The following ZFHX3 variants were observed in gnomAD, a reference collection of about 807,000 sequenced individuals.
The protein encoded by ZFHX3 is zinc finger homeobox 3, also known as zinc finger homeobox protein 3.
A neutral mutation model predicts 279.1 loss-of-function variants in ZFHX3; 42 were observed. The ratio of observed to expected loss-of-function variants is 0.15; its 90% CI spans 0.12 to 0.19. The LOEUF (loss-of-function observed/expected upper bound fraction) is 0.19, where lower values mean the gene tolerates loss of function less well. Among genes scored for constraint, ZFHX3 ranks in the 10% least tolerant of loss-of-function variants. ZFHX3 has a pLI of 1.00. For missense variants in ZFHX3, 4,981 were observed against 4,754.0 expected, an observed-to-expected ratio of 1.05 and a Z score of -1.40; for synonymous variants, 2,293 against 1,957.8, an observed-to-expected ratio of 1.17 and a Z score of -4.52.
chr16:73,279,788 G>C (rs1443641233), intron 4 of ZFHX3, among the ~76,000 whole-genome samples: 5 of 152,178 alleles, frequency 3.3e-5, no homozygotes, highest in Non-Finnish European at 5.9e-5. Context: ...TCAGAACAGA[G>C]TCTTGCAACT....
intron 5 of ZFHX3, among the ~76,000 whole-genome samples, chr16:73,150,357 A>G (rs1341930512): frequency 6.6e-6 from 1 of 152,134 alleles, no homozygotes; most frequent in Non-Finnish European, 1.5e-5. Flanking sequence ...CCTGGGTTCA[A>G]GTCCTGCTCC....
intron 5 of ZFHX3, among the ~76,000 whole-genome samples, chr16:72,819,974 T>C (rs1419820795): frequency 1.3e-5 from 2 of 152,238 alleles, no homozygotes; most frequent in Non-Finnish European, 2.9e-5. Context: ...TCCTTCCACC[T>C]TGCAGAAAGA....
At chr16:73,799,326 A>T (rs915820098) in intron 1 of ZFHX3, among the ~76,000 whole-genome samples, 1 of 152,214 alleles carries the variant, frequency 6.6e-6, no homozygotes, top group African/African-American at 2.4e-5. Context: ...AATGATGTGT[A>T]TCTTATTTAA....
rs189643972 is a variant in ZFHX3 at position 72,999,705 on chromosome 16, C to T, written c.-49-39511G>A. On this transcript the variant is annotated intron_variant, in intron 1 of 9. Coordinates refer to ENST00000268489, the MANE Select transcript of ZFHX3 (RefSeq NM_006885.4). ...TACAAGTCAGACATGGGACAGCCTT[C>T]GATGCCAGCGTGGGCAGGGGTCTCA... Among the ~76,000 whole-genome samples, 626 of 152,322 alleles carry T rather than the reference C, an allele frequency of 4.1e-3. 4 individuals are homozygous for T. Among genetic ancestry groups the T allele is most frequent in the East Asian group, 0.014 (75 of 5,174 alleles).
intron 4 of ZFHX3, among the ~76,000 whole-genome samples, chr16:73,267,442 C>T (rs183431199): frequency 6.6e-6 from 1 of 152,084 alleles, no homozygotes; most frequent in African/African-American, 2.4e-5. Context: ...CATATGGAGT[C>T]GTCCCTGATG....
intron 5 of ZFHX3, among the ~76,000 whole-genome samples, chr16:73,191,073 G>A (rs1567414423): frequency 6.6e-6 from 1 of 152,134 alleles, no homozygotes; most frequent in Non-Finnish European, 1.5e-5. Flanking sequence ...TGGTGGCTCT[G>A]CCCAGCCTGA....
intron 3 of ZFHX3, among the ~76,000 whole-genome samples, chr16:73,349,649 T>C (rs144628808): frequency 0.098 from 621 of 6,338 alleles, 18 homozygotes; most frequent in South Asian, 0.18. Flanking sequence ...TCCCTCCCTC[T>C]CTCCCTCCTT....
chr16:72,947,092 G>A (rs1199249439), intron 3 of ZFHX3, among the ~76,000 whole-genome samples: 3 of 152,164 alleles, frequency 2.0e-5, no homozygotes, highest in East Asian at 3.9e-4. Context: ...GGCCAGAGCC[G>A]GCCACTGTTT....
chr16:72,927,858 C>T (rs1423519076), intron 3 of ZFHX3, among the ~76,000 whole-genome samples: 1 of 151,828 alleles, frequency 6.6e-6, no homozygotes, highest in African/African-American at 2.4e-5. Context: ...AAAGGGGATA[C>T]CACATGACAT....
chr16:73,863,824 A>G (rs535017756), intron 1 of ZFHX3, among the ~76,000 whole-genome samples: 1 of 152,322 alleles, frequency 6.6e-6, no homozygotes, highest in African/African-American at 2.4e-5. Context: ...AAGTGCCGAA[A>G]TGAAACATGT....
At chr16:72,827,257 C>T (rs936717760) in intron 5 of ZFHX3, among the ~76,000 whole-genome samples, 6 of 152,194 alleles carry the variant, frequency 3.9e-5, no homozygotes, top group Non-Finnish European at 8.8e-5. Flanking sequence ...ACCAGTTTTC[C>T]TCATCTTATA....
chr16:73,340,023 A>G (rs1400972667), intron 3 of ZFHX3, among the ~76,000 whole-genome samples: 1 of 152,190 alleles, frequency 6.6e-6, no homozygotes, highest in African/African-American at 2.4e-5. Flanking sequence ...ATAAAAAGAG[A>G]GAGCTCCTAG....
chr16:73,081,255 CTTT>C (rs11306608), intron 8 of ZFHX3: 9 of 139,702 alleles, frequency 6.4e-5, no homozygotes, highest in Non-Finnish European at 7.9e-5. Flanking sequence ...TTCTTTCTTT[CTTT>C]TTTTTTTTTT....
Position 72,797,249 on chromosome 16 carries a change from G to A in ZFHX3, c.5433C>T (p.Pro1811=), listed in dbSNP as rs147266839. ...YIPSAEFQLN[P]EVSLPVTSGA... Reference sequence around the variant, plus strand: ...CACTGGTCACTGGCAAGCTCACCTCGGGGTTAAGCTGGAACTCAGCACTGG... The same window carrying A: ...CACTGGTCACTGGCAAGCTCACCTCAGGGTTAAGCTGGAACTCAGCACTGG... Residue 1811 remains proline, a synonymous_variant, in exon 9 of 10, where the codon CCC becomes CCT. Coordinates refer to ENST00000268489, the MANE Select transcript of ZFHX3 (RefSeq NM_006885.4). The A allele has an allele frequency of 8.5e-5, 137 of 1,613,510 alleles. No homozygotes were observed. The highest frequency in any genetic ancestry group is 1.1e-4 in the Non-Finnish European group (127 of 1,179,796).
intron 3 of ZFHX3, among the ~76,000 whole-genome samples, chr16:73,432,951 A>G (rs1486961816): frequency 1.3e-5 from 2 of 152,194 alleles, no homozygotes; most frequent in South Asian, 2.1e-4. Flanking sequence ...ACTAGATCAT[A>G]TTGAGATAAT....
At chr16:73,419,170 G>A (rs1380037221) in intron 3 of ZFHX3, among the ~76,000 whole-genome samples, 2 of 152,174 alleles carry the variant, frequency 1.3e-5, no homozygotes, top group African/African-American at 2.4e-5. Context: ...GAGACAGACC[G>A]GCTAATGAAG....
chr16:73,855,841 G>T (rs1014692837), intron 1 of ZFHX3, among the ~76,000 whole-genome samples: 4 of 152,018 alleles, frequency 2.6e-5, no homozygotes, highest in African/African-American at 9.7e-5. Context: ...TGGATATCTG[G>T]GGCAAGGTTT....
chr16:73,605,289 C>A (rs151207393), intron 2 of ZFHX3, among the ~76,000 whole-genome samples: 2 of 152,274 alleles, frequency 1.3e-5, no homozygotes, highest in East Asian at 3.9e-4. Context: ...AAAACCTCAT[C>A]GTGGAAGGAG....
chr16:72,876,453 C>T (rs956388724), intron 4 of ZFHX3, among the ~76,000 whole-genome samples: 3 of 152,156 alleles, frequency 2.0e-5, no homozygotes, highest in South Asian at 2.1e-4. Context: ...CTTCCCCAGT[C>T]GGCCCACCAT....
Sources: gnomAD v4.1 joint callset for allele counts (sites outside exome capture counted in the v4.1 genomes callset) on GRCh38, gnomAD v4.1.1 for gene constraint, MANE v1.5 for transcripts, NCBI Gene and HGNC (gene_info 2026-07-23, HGNC 2026-07-21) for gene names.